Variants in MTRF1 observed in about 807,000 individuals in gnomAD.
The protein encoded by MTRF1 is peptide chain release factor 1, mitochondrial.
A neutral mutation model predicts 62.9 loss-of-function variants in MTRF1; 51 were observed. The observed-to-expected ratio is 0.81, with a 90% CI of 0.65 to 1.02. The LOEUF (loss-of-function observed/expected upper bound fraction) is 1.02, where lower values mean the gene tolerates loss of function less well. MTRF1 is among the 50% of genes least tolerant of loss of function. The pLI is 0.00. For synonymous variants in MTRF1, 158 were observed against 181.9 expected (o/e 0.87, Z 1.06); for missense variants, 446 against 530.0 (o/e 0.84, Z 1.56).
At chr13:41,222,219 C>T (rs1317874156) in intron 9 of MTRF1, among the ~76,000 whole-genome samples, 1 of 152,152 alleles carries the variant, frequency 6.6e-6, no homozygotes, top group African/African-American at 2.4e-5. Context: ...GACCAGTTCA[C>T]TTTCTCCTTC....
At chr13:41,231,505 G>A (rs561813051) in intron 7 of MTRF1, among the ~76,000 whole-genome samples, 6 of 152,232 alleles carry the variant, frequency 3.9e-5, no homozygotes, top group Non-Finnish European at 8.8e-5. Context: ...ATTGAAAGGT[G>A]AGACCTTGAC....
intron 9 of MTRF1, 65 bp downstream of exon 9, chr13:41,223,191 T>C: frequency 8.8e-7 from 1 of 1,136,932 alleles, no homozygotes; most frequent in Non-Finnish European, 1.3e-6. Flanking sequence ...TACATATATG[T>C]TCTAGAATTT....
intron 9 of MTRF1, among the ~76,000 whole-genome samples, chr13:41,222,899 A>G (rs1482702849): frequency 6.6e-6 from 1 of 152,232 alleles, no homozygotes; most frequent in Non-Finnish European, 1.5e-5. Context: ...AAATCATGAG[A>G]TAATACTTTA....
At chr13:41,225,349 G>A (rs771996721) in intron 8 of MTRF1, among the ~76,000 whole-genome samples, 5 of 152,060 alleles carry the variant, frequency 3.3e-5, no homozygotes, top group African/African-American at 4.8e-5. Flanking sequence ...AAGAAGTGAT[G>A]GTGTGTACCC....
the MTRF1 span, among the ~76,000 whole-genome samples, chr13:41,289,632 A>G: frequency 6.6e-6 from 1 of 152,328 alleles, no homozygotes; most frequent in South Asian, 2.1e-4. Flanking sequence ...CTTGCACCAG[A>G]CAAAGGTCAT....
the MTRF1 span, among the ~76,000 whole-genome samples, chr13:41,269,169 T>C: frequency 6.7e-6 from 1 of 149,320 alleles, no homozygotes; most frequent in Non-Finnish European, 1.5e-5. Context: ...TCTTATTTCC[T>C]GGTTCCTTTT....
Position 41,260,734 on chromosome 13 carries a change from G to A in MTRF1, c.174C>T (p.Ser58=), listed in dbSNP as rs2139201559. 6.2e-7 allele frequency: 1 copy of A among 1,614,064 alleles called. No individual in the cohort carries two copies. The highest frequency in any genetic ancestry group is 8.5e-7 in the Non-Finnish European group (1 of 1,180,006). Reference sequence around the variant, plus strand: ...TGGTGTCTTGATGGCAATATCTCCTGGACCAATTCTTACTTAACAGATGAA... The same window carrying A: ...TGGTGTCTTGATGGCAATATCTCCTAGACCAATTCTTACTTAACAGATGAA... The part of the protein sequence containing the change: ...CILHLLSKNW[S]RRYCHQDTKM... Residue 58 remains serine (S), a synonymous_variant, in exon 2 of 10, where the codon TCC becomes TCT. Transcript: ENST00000379480.
At chr13:41,228,451 A>G (rs1377411304) in intron 7 of MTRF1, among the ~76,000 whole-genome samples, 2 of 152,130 alleles carry the variant, frequency 1.3e-5, no homozygotes, top group African/African-American at 4.8e-5. Context: ...CTATAGTCCC[A>G]GCTACTCAGG....
At chr13:41,224,473 T>A (rs998045096) in intron 8 of MTRF1, among the ~76,000 whole-genome samples, 8 of 152,224 alleles carry the variant, frequency 5.3e-5, no homozygotes, top group Middle Eastern at 3.2e-3. Context: ...TTAGAAGAAT[T>A]TTTTTAAATT....
At chr13:41,255,208 C>A (rs1040917675) in intron 2 of MTRF1, among the ~76,000 whole-genome samples, 1 of 151,926 alleles carries the variant, frequency 6.6e-6, no homozygotes, top group Non-Finnish European at 1.5e-5. Context: ...ATACTCAGTT[C>A]ACATTGTTTT....
the MTRF1 span, among the ~76,000 whole-genome samples, chr13:41,287,116 C>T: frequency 6.6e-6 from 1 of 152,146 alleles, no homozygotes; most frequent in Non-Finnish European, 1.5e-5. Context: ...TGTGTTAGGC[C>T]ATTCTTGCAT....
Position 41,253,880 on chromosome 13 carries a change from A to G in MTRF1, c.507+649T>C, listed in dbSNP as rs553143882. Reference sequence around the variant, plus strand: ...CTCTATTGGATTCCCAGAGTAAGAAACACTGAAGGTAGGAGGACGGCAAAC... The same window carrying G: ...CTCTATTGGATTCCCAGAGTAAGAAGCACTGAAGGTAGGAGGACGGCAAAC... On this transcript the variant is annotated intron_variant, in intron 3 of 9. Transcript: ENST00000379480. 2.0e-5 allele frequency among the ~76,000 whole-genome samples: 3 copies of G among 152,332 alleles called. No homozygotes were observed. The South Asian group carries it at 6.2e-4, about 32-fold the overall frequency.
chr13:41,231,666 T>C (rs1254207275), intron 7 of MTRF1, among the ~76,000 whole-genome samples: 2 of 152,014 alleles, frequency 1.3e-5, no homozygotes, highest in South Asian at 2.1e-4. Flanking sequence ...AATGGGTATG[T>C]GGATAAGTGC....
chr13:41,289,829 T>C, the MTRF1 span, among the ~76,000 whole-genome samples: 3 of 152,146 alleles, frequency 2.0e-5, no homozygotes, highest in African/African-American at 4.8e-5. Flanking sequence ...AACCACACAT[T>C]GCACAACCAA....
chr13:41,288,811 T>A, the MTRF1 span, among the ~76,000 whole-genome samples: 1 of 152,166 alleles, frequency 6.6e-6, no homozygotes, highest in African/African-American at 2.4e-5. Context: ...GAGTTCAAAA[T>A]GGGTCGTAAA....
chr13:41,248,963 G>A (rs975259166), intron 5 of MTRF1, among the ~76,000 whole-genome samples: 54 of 152,006 alleles, frequency 3.6e-4, no homozygotes, highest in African/African-American at 1.2e-3. Flanking sequence ...TTTCTGAAAT[G>A]GTTAAATATT....
intron 2 of MTRF1, chr13:41,257,599 C>A: frequency 5.5e-6 from 1 of 181,140 alleles, no homozygotes; most frequent in Non-Finnish European, 1.2e-5. Flanking sequence ...TGAGGGAAAA[C>A]ACAGGCTGGG....
the MTRF1 span, among the ~76,000 whole-genome samples, chr13:41,275,447 G>A: frequency 3.9e-4 from 58 of 150,098 alleles, no homozygotes; most frequent in Non-Finnish European, 6.5e-4. Flanking sequence ...TGATCTGCCC[G>A]CCTCGGCCTC....
the MTRF1 span, among the ~76,000 whole-genome samples, chr13:41,298,955 G>A: frequency 1.3e-3 from 197 of 152,266 alleles, 1 homozygote; most frequent in Non-Finnish European, 1.6e-3. Flanking sequence ...CAAAGCAGGC[G>A]GATCACTTGA....
Sources: gnomAD v4.1 joint callset for allele counts (sites outside exome capture counted in the v4.1 genomes callset) on GRCh38, gnomAD v4.1.1 for gene constraint, MANE v1.5 for transcripts, NCBI Gene and HGNC (gene_info 2026-07-23, HGNC 2026-07-21) for gene names.